The following N4BP2L2 variants were observed in gnomAD, a reference collection of about 807,000 sequenced individuals.
N4BP2L2 encodes the protein NEDD4 binding protein 2 like 2.
Under a neutral mutation model 56.2 loss-of-function variants are expected in N4BP2L2, and 50 were observed. The ratio of observed to expected loss-of-function variants is 0.89; its 90% CI spans 0.71 to 1.13. N4BP2L2 has a LOEUF of 1.13. Ranked by LOEUF, N4BP2L2 falls within the 50% of genes most tolerant of loss-of-function variation. The pLI, the probability that N4BP2L2 is intolerant of heterozygous loss-of-function variation, is 0.00. For missense variants in N4BP2L2, 689 were observed against 693.8 expected, an observed-to-expected ratio of 0.99 and a Z score of 0.08; for synonymous variants, 203 against 223.6, an observed-to-expected ratio of 0.91 and a Z score of 0.82.
At chr13:32,495,974 C>T (rs1184623606) in intron 6 of N4BP2L2, among the ~76,000 whole-genome samples, 1 of 152,126 alleles carries the variant, frequency 6.6e-6, no homozygotes, top group Non-Finnish European at 1.5e-5. Context: ...TGAACCACCC[C>T]ACCCCGCCGG....
chr13:32,462,145 T>C (rs1205847554), intron 6 of N4BP2L2, among the ~76,000 whole-genome samples: 3 of 152,228 alleles, frequency 2.0e-5, no homozygotes, highest in Admixed American at 2.0e-4. Context: ...TGCACCCCCA[T>C]GTTTATTGCA....
chr13:32,520,688 G>C (rs868490006), intron 5 of N4BP2L2, among the ~76,000 whole-genome samples: 1 of 150,592 alleles, frequency 6.6e-6, no homozygotes, highest in South Asian at 2.1e-4. Flanking sequence ...AAAAAAAAAA[G>C]GAATAACAGT....
At chr13:32,471,739 T>C (rs2082336043) in intron 6 of N4BP2L2, among the ~76,000 whole-genome samples, 1 of 152,214 alleles carries the variant, frequency 6.6e-6, no homozygotes, top group African/African-American at 2.4e-5. Flanking sequence ...GCGAGAGAGC[T>C]GCTGATGAGA....
chr13:32,517,631 T>C (rs2049525117), exon 6 of N4BP2L2: 4 of 1,398,336 alleles, frequency 2.9e-6, no homozygotes, highest in African/African-American at 2.9e-5. Flanking sequence ...TACAATTTCA[T>C]ATATTTTTAT....
intron 2 of N4BP2L2, among the ~76,000 whole-genome samples, chr13:32,531,933 C>T (rs142348665): frequency 1.3e-5 from 2 of 152,248 alleles, no homozygotes; most frequent in East Asian, 1.9e-4. Context: ...CACACCTGGG[C>T]TTATGGGATG....
chr13:32,470,267 C>T (rs1348388350), intron 6 of N4BP2L2, among the ~76,000 whole-genome samples: 2 of 152,260 alleles, frequency 1.3e-5, no homozygotes, highest in Middle Eastern at 3.4e-3. Context: ...GGGAGGGCGA[C>T]AATGGACTTT....
intron 6 of N4BP2L2, among the ~76,000 whole-genome samples, chr13:32,454,601 G>T (rs114507376): frequency 1.0e-3 from 159 of 152,224 alleles, no homozygotes; most frequent in African/African-American, 3.7e-3. Flanking sequence ...AAGACTTTAT[G>T]TTAACTATTT....
chr13:32,532,908 AAT>A (rs1234870863), intron 2 of N4BP2L2, among the ~76,000 whole-genome samples: 1 of 151,140 alleles, frequency 6.6e-6, no homozygotes, highest in East Asian at 1.9e-4. Context: ...AAAAAAAAAA[AAT>A]AGAGACAGGG....
chr13:32,500,881 T>G (rs2089884726), intron 6 of N4BP2L2, among the ~76,000 whole-genome samples: 1 of 150,120 alleles, frequency 6.7e-6, no homozygotes, highest in Non-Finnish European at 1.5e-5. Context: ...TTTTTTTTTT[T>G]TGAGATGGAG....
exon 6 of N4BP2L2, chr13:32,517,976 C>T: frequency 6.2e-7 from 1 of 1,613,654 alleles, no homozygotes; most frequent in Non-Finnish European, 8.5e-7. Context: ...GAGCAATCTT[C>T]TTTCGAGACA....
At chr13:32,457,889 A>G (rs1332345270) in intron 6 of N4BP2L2, among the ~76,000 whole-genome samples, 1 of 152,190 alleles carries the variant, frequency 6.6e-6, no homozygotes, top group Admixed American at 6.5e-5. Context: ...AATAAAAGAG[A>G]AACAAAAGAA....
At chr13:32,469,802 A>G (rs556170199) in intron 6 of N4BP2L2, among the ~76,000 whole-genome samples, 4 of 152,340 alleles carry the variant, frequency 2.6e-5, no homozygotes, top group East Asian at 3.9e-4. Context: ...GTGCAACTCA[A>G]TTGGGAGAAG....
intron 3 of N4BP2L2, 161 bp downstream of exon 3, chr13:32,527,247 A>G: frequency 1.4e-6 from 1 of 705,086 alleles, no homozygotes; most frequent in Non-Finnish European, 2.3e-6. Flanking sequence ...GGCAAGTATA[A>G]TTATCACCAC....
intron 6 of N4BP2L2, among the ~76,000 whole-genome samples, chr13:32,452,076 T>G (rs1255837685): frequency 0.012 from 1,740 of 151,276 alleles, 36 homozygotes; most frequent in African/African-American, 0.04. Context: ...TTTTTTTTTT[T>G]TTGGGATGGA....
At chr13:32,468,062 A>G (rs2081555856) in intron 6 of N4BP2L2, among the ~76,000 whole-genome samples, 1 of 152,166 alleles carries the variant, frequency 6.6e-6, no homozygotes, top group African/African-American at 2.4e-5. Flanking sequence ...TTAAACTCAC[A>G]AGTGGAAATG....
intron 6 of N4BP2L2, among the ~76,000 whole-genome samples, chr13:32,450,365 C>T (rs1044174555): frequency 2.6e-5 from 4 of 151,038 alleles, no homozygotes; most frequent in Non-Finnish European, 4.4e-5. Flanking sequence ...CACTCTGTCA[C>T]CCAGGCTGGA....
chr13:32,446,613 A>T, intron 6 of N4BP2L2: 1 of 1,018,016 alleles, frequency 9.8e-7, no homozygotes, highest in Non-Finnish European at 1.3e-6. Flanking sequence ...AATGCACTTA[A>T]TGTATAGTCA....
chr13:32,458,018 G>A (rs1302142801), intron 6 of N4BP2L2, among the ~76,000 whole-genome samples: 1 of 151,216 alleles, frequency 6.6e-6, no homozygotes, highest in Non-Finnish European at 1.5e-5. Flanking sequence ...GATACAGACT[G>A]GCTGTATTGA....
chr13:32,523,043 T>C (rs999001007), intron 3 of N4BP2L2: 2 of 152,184 alleles, frequency 1.3e-5, no homozygotes, highest in African/African-American at 4.8e-5. Context: ...AATGGAACTT[T>C]TCTGAACTAT....
Sources: gnomAD v4.1 joint callset for allele counts (sites outside exome capture counted in the v4.1 genomes callset) on GRCh38, gnomAD v4.1.1 for gene constraint, MANE v1.5 for transcripts, NCBI Gene and HGNC (gene_info 2026-07-23, HGNC 2026-07-21) for gene names.